PLCE1: variants seen among roughly 807,000 people sequenced by gnomAD.
PLCE1 encodes the protein 1-phosphatidylinositol 4,5-bisphosphate phosphodiesterase epsilon-1.
A neutral mutation model predicts 242.8 loss-of-function variants in PLCE1; 119 were observed. That is an observed-to-expected ratio of 0.49 (90% CI 0.42 to 0.57). The LOEUF (loss-of-function observed/expected upper bound fraction) is 0.57, where lower values mean the gene tolerates loss of function less well. Among genes scored for constraint, PLCE1 ranks in the 20% least tolerant of loss-of-function variants. The pLI, the probability that PLCE1 is intolerant of heterozygous loss-of-function variation, is 0.00. For missense variants in PLCE1, 2,441 were observed against 2,788.8 expected, an observed-to-expected ratio of 0.88 and a Z score of 2.81; for synonymous variants, 945 against 1,017.4, an observed-to-expected ratio of 0.93 and a Z score of 1.35.
At chr10:94,091,268 CAT>C (rs1297972486) in intron 2 of PLCE1, among the ~76,000 whole-genome samples, 1 of 152,092 alleles carries the variant, frequency 6.6e-6, no homozygotes, top group Non-Finnish European at 1.5e-5. Flanking sequence ...AATGGTAAGA[CAT>C]GTGCATGGTT....
intron 2 of PLCE1, among the ~76,000 whole-genome samples, chr10:94,091,398 T>C (rs990312654): frequency 1.3e-5 from 2 of 152,160 alleles, no homozygotes; most frequent in African/African-American, 4.8e-5. Flanking sequence ...TTTTCAAACT[T>C]TCGTATGCCT....
intron 2 of PLCE1, among the ~76,000 whole-genome samples, chr10:94,102,577 A>G (rs948120847): frequency 1.3e-5 from 2 of 152,212 alleles, no homozygotes; most frequent in African/African-American, 4.8e-5. Context: ...TAGGCAACTC[A>G]TGTCACACGT....
chr10:94,221,636 G>A (rs1326262193), intron 4 of PLCE1, among the ~76,000 whole-genome samples: 1 of 152,194 alleles, frequency 6.6e-6, no homozygotes, highest in African/African-American at 2.4e-5. Context: ...TTGGGAGGCT[G>A]AGGCAGGAGA....
At chr10:94,267,978 T>C (rs1311971934) in intron 16 of PLCE1, among the ~76,000 whole-genome samples, 1 of 152,260 alleles carries the variant, frequency 6.6e-6, no homozygotes, top group African/African-American at 2.4e-5. Flanking sequence ...GAAATAGTTA[T>C]GTGCATTCTA....
intron 2 of PLCE1, among the ~76,000 whole-genome samples, chr10:94,068,607 G>A (rs963776574): frequency 2.0e-5 from 3 of 152,140 alleles, no homozygotes; most frequent in East Asian, 1.9e-4. Context: ...CATGGATACC[G>A]AGGAATGACT....
chr10:94,024,653 T>C (rs2061426917), intron 1 of PLCE1, among the ~76,000 whole-genome samples: 1 of 152,124 alleles, frequency 6.6e-6, no homozygotes, highest in Non-Finnish European at 1.5e-5. Context: ...ACTGATAAAT[T>C]AGTTTTTGTT....
At chr10:93,994,330 G>A (rs1296807420) in intron 1 of PLCE1, among the ~76,000 whole-genome samples, 72 bp downstream of exon 1, 1 of 152,220 alleles carries the variant, frequency 6.6e-6, no homozygotes, top group Non-Finnish European at 1.5e-5. Flanking sequence ...TCTCTCCCAA[G>A]GCAGTCGACC....
At chr10:94,179,521 T>TGTTTTTGTTTTTTTTG (rs67919831) in intron 4 of PLCE1, among the ~76,000 whole-genome samples, 1 of 84,720 alleles carries the variant, frequency 1.2e-5, no homozygotes, top group African/African-American at 5.9e-5. Flanking sequence ...AGTTTTTTTT[T>TGTTTTTGTTTTTTTTG]TTTTTTTTTG....
intron 3 of PLCE1, among the ~76,000 whole-genome samples, chr10:94,156,705 G>T (rs968074717): frequency 6.6e-6 from 1 of 152,072 alleles, no homozygotes; most frequent in African/African-American, 2.4e-5. Context: ...AGGATGGTGG[G>T]TGGGGCTTAA....
At chr10:94,224,298 A>G (rs2049866183) in intron 4 of PLCE1, among the ~76,000 whole-genome samples, 2 of 152,204 alleles carry the variant, frequency 1.3e-5, no homozygotes, top group African/African-American at 2.4e-5. Flanking sequence ...GATTTGACTG[A>G]TAGGAAATAA....
intron 8 of PLCE1, among the ~76,000 whole-genome samples, chr10:94,247,836 G>A (rs533613332): frequency 6.6e-6 from 1 of 152,286 alleles, no homozygotes; most frequent in Admixed American, 6.5e-5. Flanking sequence ...AGAGACACAG[G>A]CATAACCAGA....
intron 1 of PLCE1, among the ~76,000 whole-genome samples, chr10:94,026,403 C>A (rs1356628584): frequency 1.3e-5 from 2 of 152,108 alleles, no homozygotes; most frequent in Non-Finnish European, 2.9e-5. Context: ...CCCAGGCTGG[C>A]ACTTATCCAA....
chr10:94,106,242 A>C (rs2045729094), intron 2 of PLCE1: 1 of 152,228 alleles, frequency 6.6e-6, no homozygotes, highest in South Asian at 2.1e-4. Flanking sequence ...TGCTTTTCTT[A>C]TGTTAACTAG....
rs866187525 is a variant in PLCE1, at chr10:94,101,893, G to A, written c.1207-30281G>A. Among the ~76,000 whole-genome samples, 9 of 152,186 alleles carry A rather than the reference G, an allele frequency of 5.9e-5. 1 individual carries two copies. The highest frequency in any genetic ancestry group is 3.2e-3 in the Middle Eastern group (1 of 316). On this transcript the variant is annotated intron_variant, in intron 2 of 32. Coordinates refer to ENST00000371380, the MANE Select transcript of PLCE1 (RefSeq NM_016341.4). ...CTTGTGCGGTGGTGGGCATGTGATA[G>A]GAGACATGTACCCAGGACATGTACC...
In PLCE1 at chr10:94,031,969, A is replaced by G. The variant is rs773934458; in HGVS notation, c.923A>G (p.Asp308Gly). Reference sequence around the variant, plus strand: ...TTTGAGGACTTCCCTGATAATTGTGATGATGTAGAAGAAGACGCTTTTAAA... The same window carrying G: ...TTTGAGGACTTCCCTGATAATTGTGGTGATGTAGAAGAAGACGCTTTTAAA... ...SHFEDFPDNCDDVEEDAFKSK... is the reference protein window; with the variant it reads ...SHFEDFPDNCGDVEEDAFKSK... The change falls in exon 2 of 33, where the codon GAT (aspartate) becomes GGT (glycine). Residue 308 changes from aspartate (D) to glycine (G), a missense_variant. This residue lies in a region of PLCE1 where 393 missense variants were observed against 378.5 expected (regional missense o/e 1.04). Transcript: ENST00000371380. 1.7e-5 allele frequency: 27 copies of G among 1,613,680 alleles called. No individual in the cohort carries two copies. The highest frequency in any genetic ancestry group is 2.3e-5 in the Non-Finnish European group (27 of 1,179,782).
chr10:94,203,692 G>A (rs536163056), intron 4 of PLCE1, among the ~76,000 whole-genome samples: 110 of 152,306 alleles, frequency 7.2e-4, no homozygotes, highest in African/African-American at 1.2e-3. Flanking sequence ...GAAATAAAAA[G>A]AGGTGAGAAC....
chr10:94,281,924 A>G (rs1052989675), intron 20 of PLCE1, among the ~76,000 whole-genome samples: 1 of 151,894 alleles, frequency 6.6e-6, no homozygotes, highest in Non-Finnish European at 1.5e-5. Flanking sequence ...TTTCTCCAGC[A>G]GGGATAGAGA....
chr10:94,268,494 T>C (rs1237089807), intron 16 of PLCE1, among the ~76,000 whole-genome samples: 1 of 152,218 alleles, frequency 6.6e-6, no homozygotes, highest in African/African-American at 2.4e-5. Flanking sequence ...CTGATTGGCT[T>C]GCTGTAAATG....
chr10:94,106,887 G>A (rs1248085764), intron 2 of PLCE1, among the ~76,000 whole-genome samples: 1 of 101,808 alleles, frequency 9.8e-6, no homozygotes, highest in Non-Finnish European at 2.0e-5. Flanking sequence ...CTTGTTAACT[G>A]ACTGGTGCTC....
Sources: gnomAD v4.1 joint callset for allele counts (sites outside exome capture counted in the v4.1 genomes callset) on GRCh38, gnomAD v4.1.1 for gene constraint, gnomAD v4.1.1 regional missense constraint, MANE v1.5 for transcripts, NCBI Gene and HGNC (gene_info 2026-07-23, HGNC 2026-07-21) for gene names.